The following ZNF28 variants were observed in gnomAD, a reference collection of about 807,000 sequenced individuals.
ZNF28 encodes zinc finger protein KOX24.
A neutral mutation model predicts 7.2 loss-of-function variants in ZNF28; 5 were observed. The ratio of observed to expected loss-of-function variants is 0.70; its 90% CI spans 0.36 to 1.46. The LOEUF (loss-of-function observed/expected upper bound fraction) is 1.46. Among genes scored for constraint, ZNF28 ranks in the 40% most tolerant of loss-of-function variants. The pLI, the probability that ZNF28 is intolerant of heterozygous loss-of-function variation, is 0.03. For missense variants in ZNF28, 879 were observed against 866.6 expected (o/e 1.01, Z -0.18); for synonymous variants, 288 against 292.4 (o/e 0.99, Z 0.15).
At chr19:52,809,826 G>GCGGCGGCA in intron 2 of ZNF28, 1 of 318,840 alleles carries the variant, frequency 3.1e-6, no homozygotes, top group Non-Finnish European at 6.3e-6. Flanking sequence ...CGGCGAAGGC[G>GCGGCGGCA]GCGGCGGCGG....
At chr19:52,806,934 G>C (rs1168206825) in intron 3 of ZNF28, among the ~76,000 whole-genome samples, 1 of 152,028 alleles carries the variant, frequency 6.6e-6, no homozygotes. Context: ...TAGAAAGAAA[G>C]AGCAGAGAGA....
intron 2 of ZNF28, chr19:52,810,706 T>C (rs1188662643): frequency 2.8e-6 from 2 of 724,070 alleles, no homozygotes; most frequent in East Asian, 5.3e-5. Context: ...TTCCCCTTAC[T>C]AAAAAAAATG....
intron 3 of ZNF28, chr19:52,807,792 C>T (rs532191785): frequency 9.4e-6 from 8 of 853,014 alleles, no homozygotes; most frequent in South Asian, 7.5e-5. Context: ...AAGTTTTATG[C>T]CTACTTTACT....
At chr19:52,812,247 G>A (rs1162446520) in intron 2 of ZNF28, among the ~76,000 whole-genome samples, 2 of 137,520 alleles carry the variant, frequency 1.5e-5, no homozygotes, top group Non-Finnish European at 3.0e-5. Context: ...GCCCGGCCAC[G>A]ACCCCGTCTG....
chr19:52,805,464 T>C (rs914832806), intron 3 of ZNF28: 1 of 150,530 alleles, frequency 6.6e-6, no homozygotes, highest in African/African-American at 2.4e-5. Flanking sequence ...CCATCTCTAC[T>C]AAAAATACAA....
chr19:52,812,762 TAA>T (rs56944474), intron 2 of ZNF28, among the ~76,000 whole-genome samples: 244 of 75,408 alleles, frequency 3.2e-3, no homozygotes, highest in African/African-American at 4.6e-3. Context: ...GAATGATCAA[TAA>T]AAAAAAAAAA....
rs2062821390 is a variant in ZNF28 at position 52,798,323 on chromosome 19, T to G, written c.*1365A>C. 6.3e-6 allele frequency: 2 copies of G among 317,980 alleles called. No individual in the cohort carries two copies. Among genetic ancestry groups the G allele is most frequent in the South Asian group, 5.6e-5 (2 of 35,772 alleles). 19.7% of individuals were successfully genotyped at this position (317,980 alleles called of 1,614,324 possible). A position where few individuals can be genotyped will look rare whatever the true frequency, so the allele number is the denominator to read the frequency against. The stretch of plus-strand genomic sequence containing the variant: ...CCCAGTCCTCTTAACATAAACAGTT[T>G]AATGTCAATTAATGCTTAAACTCAA... On this transcript the variant is annotated 3_prime_UTR_variant, in exon 4 of 4. Transcript: ENST00000457749.
chr19:52,817,685 G>GACCCTC (rs1366538074), intron 2 of ZNF28, among the ~76,000 whole-genome samples: 1 of 151,976 alleles, frequency 6.6e-6, no homozygotes, highest in African/African-American at 2.4e-5. Context: ...GACACCACGG[G>GACCCTC]ACCCTCACCC....
chr19:52,810,759 A>C, intron 2 of ZNF28: 1 of 584,404 alleles, frequency 1.7e-6, no homozygotes, highest in Non-Finnish European at 3.0e-6. Context: ...GAAGGGGAAA[A>C]AAAAAGAATA....
rs185893409 is a variant in ZNF28 at position 52,814,263 on chromosome 19, G to A, written c.15+3681C>T. The A allele has an allele frequency of 1.2e-4, 18 of 145,924 alleles. 2 individuals carry two copies. Among genetic ancestry groups the A allele is most frequent in the African/African-American group, 4.0e-4 (15 of 37,418 alleles). 9.0% of individuals were successfully genotyped at this position (145,924 alleles called of 1,614,324 possible). A position where few individuals can be genotyped will look rare whatever the true frequency, so the allele number is the denominator to read the frequency against. On this transcript the variant is annotated intron_variant, in intron 2 of 3. Transcript: ENST00000457749. ...TTACCACCAAACAAATATACACATCGTGTGATGTTTAAATATAACCATATA... is the reference window on the plus strand; with the variant it reads ...TTACCACCAAACAAATATACACATCATGTGATGTTTAAATATAACCATATA...
chr19:52,820,803 G>A (rs1480220025), intron 1 of ZNF28, among the ~76,000 whole-genome samples: 1 of 151,924 alleles, frequency 6.6e-6, no homozygotes, highest in Non-Finnish European at 1.5e-5. Context: ...CACTTTTGCT[G>A]TCTCTTGGCA....
chr19:52,807,840 A>G (rs1938752238), intron 3 of ZNF28, 167 bp downstream of exon 3: 1 of 1,141,796 alleles, frequency 8.8e-7, no homozygotes, highest in African/African-American at 1.6e-5. Flanking sequence ...AGAATGCAGA[A>G]CCTCTAAACA....
intron 1 of ZNF28, among the ~76,000 whole-genome samples, chr19:52,820,275 G>T (rs1452162990): frequency 7.3e-6 from 1 of 136,544 alleles, no homozygotes; most frequent in African/African-American, 3.1e-5. Context: ...CCGCCACCGC[G>T]CCCGGCTAAT....
intron 3 of ZNF28, among the ~76,000 whole-genome samples, chr19:52,803,739 G>C (rs759124684): frequency 6.6e-6 from 1 of 152,072 alleles, no homozygotes; most frequent in Non-Finnish European, 1.5e-5. Flanking sequence ...GGCTGAGGCA[G>C]GTAAATCAGG....
chr19:52,797,826 A>C lies in ZNF28; in HGVS notation c.*1862T>G, dbSNP rs1488466191. The C allele has an allele frequency of 2.0e-5, 3 of 152,234 alleles. No homozygotes were observed. The highest frequency in any genetic ancestry group is 6.5e-5 in the Admixed American group (1 of 15,278). 9.4% of individuals were successfully genotyped at this position (152,234 alleles called of 1,614,324 possible). The stretch of plus-strand genomic sequence containing the variant: ...TAGAAATCCCCATAACTTTTTGTTA[A>C]AGAAACAAAAAACAGGCCAGTCACG... On this transcript the variant is annotated 3_prime_UTR_variant, in exon 4 of 4. Transcript: ENST00000457749.
chr19:52,799,078 C>A lies in ZNF28; in HGVS notation c.*610G>T. 1 of 446,604 alleles carries A rather than the reference C, an allele frequency of 2.2e-6. No homozygotes were observed. The highest frequency in any genetic ancestry group is 4.3e-6 in the Non-Finnish European group (1 of 235,074). The allele number at this position is 446,604 out of a possible 1,614,324, so 27.7% of individuals were successfully genotyped here. A position where few individuals can be genotyped will look rare whatever the true frequency, so the allele number is the denominator to read the frequency against. On this transcript the variant is annotated 3_prime_UTR_variant, in exon 4 of 4. Transcript: ENST00000457749. Reference sequence around the variant, plus strand: ...TCAAGCTGTGATTTGTGACTGACAACTTTGTCACAGTCTTCACATTTGTAA... The same window carrying A: ...TCAAGCTGTGATTTGTGACTGACAAATTTGTCACAGTCTTCACATTTGTAA...
chr19:52,798,289 A>G lies in ZNF28; in HGVS notation c.*1399T>C, dbSNP rs1696494280. ...TGCTGGCATTGCAGGCGTGAGCCAC[A>G]GTGCCCAGCCCAGTCCTCTTAACAT... On this transcript the variant is annotated 3_prime_UTR_variant, in exon 4 of 4. Coordinates refer to ENST00000457749, the MANE Select transcript of ZNF28 (RefSeq NM_006969.5). 5 of 209,892 alleles carry G rather than the reference A, an allele frequency of 2.4e-5. No individual in the cohort carries two copies. The South Asian group carries it at 3.5e-4, about 15-fold the overall frequency. 13.0% of individuals were successfully genotyped at this position (209,892 alleles called of 1,614,324 possible).
intron 2 of ZNF28, among the ~76,000 whole-genome samples, chr19:52,812,476 G>A (rs1381476370): frequency 1.6e-5 from 2 of 122,778 alleles, no homozygotes; most frequent in Non-Finnish European, 3.3e-5. Flanking sequence ...CCCCAACCCT[G>A]TGCTCTCTGA....
At chr19:52,811,162 G>A (rs1044026565) in intron 2 of ZNF28, among the ~76,000 whole-genome samples, 13 of 150,744 alleles carry the variant, frequency 8.6e-5, no homozygotes, top group Admixed American at 1.3e-4. Flanking sequence ...CCGAGGTGCC[G>A]GGATTGCAGA....
Sources: gnomAD v4.1 joint callset for allele counts (sites outside exome capture counted in the v4.1 genomes callset) on GRCh38, gnomAD v4.1.1 for gene constraint, MANE v1.5 for transcripts, NCBI Gene and HGNC (gene_info 2026-07-23, HGNC 2026-07-21) for gene names.